CNTN6: variants seen among roughly 807,000 people sequenced by gnomAD.
The protein encoded by CNTN6 is contactin 6, also known as contactin-6.
A neutral mutation model predicts 122.8 loss-of-function variants in CNTN6; 137 were observed. The ratio of observed to expected loss-of-function variants is 1.12; its 90% CI spans 0.97 to 1.29. The LOEUF (loss-of-function observed/expected upper bound fraction) is 1.29, where lower values mean the gene tolerates loss of function less well. CNTN6 is among the 50% of genes most tolerant of loss of function. The pLI is 0.00. For missense variants in CNTN6, 1,634 were observed against 1,223.4 expected, an observed-to-expected ratio of 1.34 and a Z score of -5.01; for synonymous variants, 570 against 426.0, an observed-to-expected ratio of 1.34 and a Z score of -4.16.
intron 2 of CNTN6, among the ~76,000 whole-genome samples, chr3:1,203,797 A>G (rs1022883352): frequency 5.9e-5 from 9 of 152,198 alleles, no homozygotes; most frequent in Non-Finnish European, 1.3e-4. Context: ...CATGCACTGC[A>G]TAATAACATT....
intron 2 of CNTN6, among the ~76,000 whole-genome samples, chr3:1,158,901 C>T (rs13062541): frequency 6.4e-5 from 6 of 93,236 alleles, no homozygotes; most frequent in Non-Finnish European, 1.0e-4. Context: ...CATATATATA[C>T]ACATATATAT....
chr3:1,382,943 C>G lies in CNTN6; in HGVS notation c.2168C>G (p.Ser723Ter), dbSNP rs748099422. The G allele has an allele frequency of 1.2e-6, 2 of 1,611,120 alleles. No individual in the cohort carries two copies. The highest frequency in any genetic ancestry group is 1.1e-5 in the South Asian group (1 of 90,972). Residue 723 changes from serine (S) to a stop codon, truncating the protein, a stop_gained and splice_region_variant, in exon 18 of 23, where the codon TCA becomes TGA. Transcript: ENST00000446702. LOFTEE classifies it high-confidence loss of function. Reference protein sequence around the residue: ...SRSELVITWESIPEELQNGEG... With the variant: ...SRSELVITWE ...GTGATTGATCACATTCTGCCCAAGT[C>G]AATTCCAGAAGAACTGCAGAATGGG...
At chr3:1,227,516 T>A (rs1017067502) in intron 3 of CNTN6, among the ~76,000 whole-genome samples, 1 of 152,180 alleles carries the variant, frequency 6.6e-6, no homozygotes, top group Non-Finnish European at 1.5e-5. Flanking sequence ...AAGGAATAGG[T>A]TGGCCAGTAT....
At chr3:1,278,277 T>C in intron 4 of CNTN6, 136 bp from the exon 5 acceptor site, 1 of 581,540 alleles carries the variant, frequency 1.7e-6, no homozygotes, top group Non-Finnish European at 3.0e-6. Context: ...GTTAAATTGA[T>C]TGTCAACTAA....
rs1469946890 is a variant in CNTN6, at chr3:1,383,363, T to C, written c.2472T>C (p.Asn824=). The change falls in exon 19 of 23, where the codon AAT becomes AAC. Residue 824 remains asparagine (N), a synonymous_variant. Transcript: ENST00000446702. ...CTTCTGAAATGGAGGTTTCATGGAA[T>C]GCTATTGCCTGGAATAGAAACACTG... The part of the protein sequence containing the change: ...FSASEMEVSW[N]AIAWNRNTGR... 5 of 1,613,922 alleles carry C rather than the reference T, an allele frequency of 3.1e-6. No individual in the cohort carries two copies. Among genetic ancestry groups the C allele is most frequent in the South Asian group, 1.1e-5 (1 of 91,088 alleles).
At chr3:1,258,463 G>A (rs2094794343) in intron 4 of CNTN6, among the ~76,000 whole-genome samples, 1 of 152,080 alleles carries the variant, frequency 6.6e-6, no homozygotes, top group South Asian at 2.1e-4. Context: ...CCCTTTCACT[G>A]TTGTAATGCA....
intron 19 of CNTN6, among the ~76,000 whole-genome samples, chr3:1,384,758 T>TAC (rs1321490447): frequency 0.01 from 1,390 of 136,052 alleles, 23 homozygotes; most frequent in African/African-American, 0.037. Flanking sequence ...CACATATATA[T>TAC]ACATATATAT....
intron 4 of CNTN6, among the ~76,000 whole-genome samples, chr3:1,254,993 C>G (rs2094729343): frequency 6.6e-6 from 1 of 152,052 alleles, no homozygotes. Context: ...TGGGCTAATT[C>G]ATTACGTATT....
At chr3:1,150,387 A>C (rs2092814050) in intron 2 of CNTN6, among the ~76,000 whole-genome samples, 1 of 152,184 alleles carries the variant, frequency 6.6e-6, no homozygotes, top group Non-Finnish European at 1.5e-5. Context: ...ACAGGTTGAT[A>C]CTTTAAATCT....
intron 4 of CNTN6, among the ~76,000 whole-genome samples, chr3:1,250,650 C>T (rs1216224565): frequency 6.6e-6 from 1 of 152,156 alleles, no homozygotes; most frequent in East Asian, 1.9e-4. Flanking sequence ...TCTGAATGTT[C>T]CCGTATCTGA....
chr3:1,109,713 C>G (rs2091390178), intron 1 of CNTN6, among the ~76,000 whole-genome samples: 1 of 151,918 alleles, frequency 6.6e-6, no homozygotes, highest in East Asian at 1.9e-4. Flanking sequence ...TATTTTTACC[C>G]AAGTTGTTGA....
intron 4 of CNTN6, among the ~76,000 whole-genome samples, chr3:1,269,362 A>T (rs2094983919): frequency 6.6e-6 from 1 of 152,216 alleles, no homozygotes; most frequent in Non-Finnish European, 1.5e-5. Context: ...TCTATTTTGC[A>T]TGCTACCTAC....
In CNTN6 at chr3:1,383,305, C is replaced by T; in HGVS notation, c.2414C>T (p.Ala805Val). The T allele has an allele frequency of 3.1e-6, 5 of 1,613,690 alleles. No individual in the cohort carries two copies. The highest frequency in any genetic ancestry group is 4.2e-6 in the Non-Finnish European group (5 of 1,179,634). The change falls in exon 19 of 23, where the codon GCC becomes GTC. Residue 805 changes from alanine (A) to valine (V), a missense_variant. By Grantham distance (64) the Ala-to-Val change is moderately conservative. Coordinates refer to ENST00000446702, the MANE Select transcript of CNTN6 (RefSeq NM_001289080.2). ...CTCTGGATGGTAGAACCTCAACTGG[C>T]CCCAAGGGGAACTTCTCTCCAGAGT... is the stretch of plus-strand genomic sequence containing the variant. ...VYSGEDEPQL[A>V]PRGTSLQSFS...
chr3:1,387,673 G>C (rs1329776785), intron 20 of CNTN6, among the ~76,000 whole-genome samples: 1 of 152,206 alleles, frequency 6.6e-6, no homozygotes, highest in Non-Finnish European at 1.5e-5. Context: ...ACTAGGGGGT[G>C]CCAGACAGTG....
intron 1 of CNTN6, among the ~76,000 whole-genome samples, chr3:1,139,533 A>C (rs762583555): frequency 3.3e-5 from 5 of 152,140 alleles, no homozygotes; most frequent in South Asian, 2.1e-4. Context: ...TCTTGCAAGA[A>C]CAACCTTAAA....
intron 4 of CNTN6, among the ~76,000 whole-genome samples, chr3:1,256,847 T>C (rs1286242112): frequency 6.6e-6 from 1 of 152,160 alleles, no homozygotes; most frequent in Non-Finnish European, 1.5e-5. Flanking sequence ...AATAACTATC[T>C]ATTATATACT....
At chr3:1,131,221 T>C (rs2092327408) in intron 1 of CNTN6, among the ~76,000 whole-genome samples, 1 of 152,092 alleles carries the variant, frequency 6.6e-6, no homozygotes, top group Non-Finnish European at 1.5e-5. Flanking sequence ...CCTGGAAATG[T>C]AGTGCTGAGC....
At chr3:1,372,257 A>G (rs975595101) in intron 12 of CNTN6, 42 bp from the exon 13 acceptor site, 1 of 1,474,936 alleles carries the variant, frequency 6.8e-7, no homozygotes, top group Non-Finnish European at 9.2e-7. Context: ...ACCATAGGCT[A>G]GCATTTCATA....
intron 7 of CNTN6, among the ~76,000 whole-genome samples, chr3:1,301,254 C>A (rs1010608831): frequency 6.6e-6 from 1 of 152,040 alleles, no homozygotes; most frequent in African/African-American, 2.4e-5. Flanking sequence ...CCAGGCTTGT[C>A]TCTAACTCCT....
Sources: gnomAD v4.1 joint callset for allele counts (sites outside exome capture counted in the v4.1 genomes callset) on GRCh38, gnomAD v4.1.1 for gene constraint, MANE v1.5 for transcripts, NCBI Gene and HGNC (gene_info 2026-07-23, HGNC 2026-07-21) for gene names.